Variants in UBE2E2 observed in about 807,000 individuals in gnomAD.
UBE2E2 encodes ubiquitin-conjugating enzyme E2 E2.
Under a neutral mutation model 24.7 loss-of-function variants are expected in UBE2E2, and 6 were observed. The observed-to-expected ratio is 0.24, with a 90% confidence interval of 0.13 to 0.48. UBE2E2 has a LOEUF of 0.48. Ranked by LOEUF, UBE2E2 falls within the 20% of genes least tolerant of loss-of-function variation. The pLI is 0.99. For missense variants in UBE2E2, 169 were observed against 245.0 expected, an observed-to-expected ratio of 0.69 and a Z score of 2.07; for synonymous variants, 104 against 83.6, an observed-to-expected ratio of 1.24 and a Z score of -1.33.
intron 3 of UBE2E2, among the ~76,000 whole-genome samples, chr3:23,416,104 A>C (rs1030154534): frequency 2.0e-5 from 3 of 152,166 alleles, no homozygotes; most frequent in African/African-American, 7.2e-5. Context: ...ATAGTATTCC[A>C]TGGTGTATAT....
At chr3:23,312,177 C>T (rs562640147) in intron 3 of UBE2E2, among the ~76,000 whole-genome samples, 1 of 152,012 alleles carries the variant, frequency 6.6e-6, no homozygotes, top group East Asian at 1.9e-4. Context: ...AGGCCTCCCC[C>T]CAAAAAAAAG....
chr3:23,528,655 G>A (rs73043695), intron 4 of UBE2E2, among the ~76,000 whole-genome samples: 23,656 of 152,168 alleles, frequency 0.16, 2,484 homozygotes, highest in Middle Eastern at 0.3. Context: ...GCGTGAACCC[G>A]ATGTTGGACA....
At chr3:23,524,879 C>CACACAT (rs1313647863) in intron 4 of UBE2E2, among the ~76,000 whole-genome samples, 11 of 151,918 alleles carry the variant, frequency 7.2e-5, no homozygotes. Flanking sequence ...CACACACACA[C>CACACAT]ACACACACAC....
At position 23,478,466 on chromosome 3, in the gene UBE2E2, AG is replaced by A. The variant is rs1180268834; in HGVS notation, c.228-21141del. ...GTGATATTCAAAAGAAATAAGACTA[AG>A]TACAAATAGAACACACAGATTTCCA... On this transcript the variant is annotated intron_variant, in intron 3 of 5. Coordinates refer to ENST00000396703, the MANE Select transcript of UBE2E2 (RefSeq NM_152653.4). Among the ~76,000 whole-genome samples, 18 of 152,262 alleles carry A rather than the reference AG, an allele frequency of 1.2e-4. No individual in the cohort carries two copies. In the East Asian group the frequency reaches 3.3e-3, roughly 28 times the overall value.
intron 5 of UBE2E2, among the ~76,000 whole-genome samples, chr3:23,555,528 A>T (rs1296830954): frequency 6.6e-6 from 1 of 152,202 alleles, no homozygotes; most frequent in Non-Finnish European, 1.5e-5. Flanking sequence ...CCCAAAGGAA[A>T]TGAAATACCA....
chr3:23,357,806 C>T (rs1040258475), intron 3 of UBE2E2, among the ~76,000 whole-genome samples: 2 of 151,964 alleles, frequency 1.3e-5, no homozygotes, highest in African/African-American at 2.4e-5. Context: ...AAAAATTCTT[C>T]TGAAATTGGT....
intron 3 of UBE2E2, among the ~76,000 whole-genome samples, chr3:23,322,842 A>G (rs1694782075): frequency 6.6e-6 from 1 of 151,920 alleles, no homozygotes; most frequent in Non-Finnish European, 1.5e-5. Context: ...TATTTTGTCT[A>G]GCATTAATTT....
At chr3:23,331,324 C>T (rs984514025) in intron 3 of UBE2E2, among the ~76,000 whole-genome samples, 9 of 151,998 alleles carry the variant, frequency 5.9e-5, no homozygotes, top group African/African-American at 2.2e-4. Flanking sequence ...GTTTAGGTGC[C>T]AGAGAGATAG....
chr3:23,563,073 G>C (rs553490976), intron 5 of UBE2E2, among the ~76,000 whole-genome samples: 2 of 152,010 alleles, frequency 1.3e-5, no homozygotes. Context: ...ATCTCCTTCA[G>C]TTCTTCTCTG....
At chr3:23,462,138 C>T (rs937739373) in intron 3 of UBE2E2, among the ~76,000 whole-genome samples, 3 of 152,088 alleles carry the variant, frequency 2.0e-5, no homozygotes, top group Non-Finnish European at 4.4e-5. Context: ...CCAATGCTGT[C>T]ACTATTGTAT....
chr3:23,550,366 C>G (rs1695614953), intron 5 of UBE2E2, among the ~76,000 whole-genome samples: 1 of 152,148 alleles, frequency 6.6e-6, no homozygotes, highest in African/African-American at 2.4e-5. Context: ...TGCCTTATTT[C>G]AAGCCCAAGC....
chr3:23,338,060 A>T lies in UBE2E2; in HGVS notation c.227+120748A>T, dbSNP rs115498376. ...TAATAAACAAGACTTGCAAACCATGAGAAAAGATTACTTAAGATTTCTTCC... is the reference window on the plus strand; with the variant it reads ...TAATAAACAAGACTTGCAAACCATGTGAAAAGATTACTTAAGATTTCTTCC... On this transcript the variant is annotated intron_variant, in intron 3 of 5. Transcript: ENST00000396703. 5.0e-3 allele frequency among the ~76,000 whole-genome samples: 762 copies of T among 152,290 alleles called. 4 individuals carry two copies. Among genetic ancestry groups the T allele is most frequent in the African/African-American group, 0.017 (718 of 41,556 alleles).
chr3:23,580,725 A>G (rs1014176814), intron 5 of UBE2E2, among the ~76,000 whole-genome samples: 4 of 152,346 alleles, frequency 2.6e-5, no homozygotes, highest in African/African-American at 2.4e-5. Context: ...CAGGGAGGCT[A>G]TGCTTGAACT....
intron 3 of UBE2E2, among the ~76,000 whole-genome samples, chr3:23,240,379 T>C (rs1366300845): frequency 6.6e-6 from 1 of 152,244 alleles, no homozygotes; most frequent in African/African-American, 2.4e-5. Flanking sequence ...GTTCAAACAC[T>C]TACCAAATAA....
chr3:23,326,304 C>T (rs1694889069), intron 3 of UBE2E2, among the ~76,000 whole-genome samples: 1 of 152,324 alleles, frequency 6.6e-6, no homozygotes, highest in Non-Finnish European at 1.5e-5. Context: ...CTACTGACTT[C>T]AGGTGATCTG....
chr3:23,244,869 G>A (rs149258821), intron 3 of UBE2E2, among the ~76,000 whole-genome samples: 9 of 152,176 alleles, frequency 5.9e-5, no homozygotes, highest in Admixed American at 1.3e-4. Flanking sequence ...GGTACAAATT[G>A]TATTACTGCT....
intron 3 of UBE2E2, among the ~76,000 whole-genome samples, chr3:23,440,508 G>A (rs899170586): frequency 6.6e-6 from 1 of 152,150 alleles, no homozygotes; most frequent in Non-Finnish European, 1.5e-5. Context: ...ACGGACCCAC[G>A]TTCATACGCG....
chr3:23,344,395 A>G (rs758239395), intron 3 of UBE2E2, among the ~76,000 whole-genome samples: 1 of 152,094 alleles, frequency 6.6e-6, no homozygotes, highest in African/African-American at 2.4e-5. Flanking sequence ...AGCCACAAAA[A>G]CCTTGCGCCT....
chr3:23,241,506 C>T (rs1301174211), intron 3 of UBE2E2, among the ~76,000 whole-genome samples: 4 of 152,098 alleles, frequency 2.6e-5, no homozygotes, highest in African/African-American at 4.8e-5. Context: ...ACTCTGCTGC[C>T]GCTACGCTGG....
Sources: allele counts gnomAD v4.1 joint callset (sites outside exome capture counted in the v4.1 genomes callset), GRCh38; gene constraint gnomAD v4.1.1; transcripts MANE v1.5; gene names NCBI Gene and HGNC (gene_info 2026-07-23, HGNC 2026-07-21).